SLC24A2: variants seen among roughly 807,000 people sequenced by gnomAD.
SLC24A2 encodes the protein solute carrier family 24 member 2.
SLC24A2 carries 36 observed loss-of-function variants against 62.0 expected under a neutral mutation model. That is an observed-to-expected ratio of 0.58 (90% CI 0.44 to 0.77). SLC24A2 has a LOEUF of 0.77. Ranked by LOEUF, SLC24A2 falls within the 30% of genes least tolerant of loss-of-function variation. SLC24A2 has a pLI of 0.00. For synonymous variants in SLC24A2, 358 were observed against 294.0 expected (o/e 1.22, Z -2.23); for missense variants, 846 against 817.9 (o/e 1.03, Z -0.42).
At chr9:20,126,184 C>T in the SLC24A2 span, among the ~76,000 whole-genome samples, 30 of 152,286 alleles carry the variant, frequency 2.0e-4, no homozygotes, top group South Asian at 3.9e-3. Context: ...CCTCTGCCTG[C>T]ATTTTTAATT....
intron 2 of SLC24A2, among the ~76,000 whole-genome samples, chr9:19,761,913 G>C (rs922678761): frequency 6.6e-6 from 1 of 152,104 alleles, no homozygotes; most frequent in African/African-American, 2.4e-5. Context: ...CCAAGTCTTT[G>C]CTGTCGTGAA....
the SLC24A2 span, among the ~76,000 whole-genome samples, chr9:20,100,040 A>G: frequency 1.3e-5 from 2 of 151,390 alleles, no homozygotes; most frequent in Non-Finnish European, 2.9e-5. Context: ...TCTTTTTTAG[A>G]CAGGGTCTCA....
At chr9:19,864,697 A>G in the SLC24A2 span, among the ~76,000 whole-genome samples, 1 of 151,802 alleles carries the variant, frequency 6.6e-6, no homozygotes, top group Non-Finnish European at 1.5e-5. Flanking sequence ...TCAGCATAAT[A>G]AAAGCTACAT....
chr9:20,097,988 C>T, the SLC24A2 span, among the ~76,000 whole-genome samples: 3 of 151,588 alleles, frequency 2.0e-5, no homozygotes, highest in East Asian at 3.9e-4. Context: ...GTGATTCGCC[C>T]GCCTCGGCCT....
chr9:19,981,734 C>T, the SLC24A2 span, among the ~76,000 whole-genome samples: 11 of 152,116 alleles, frequency 7.2e-5, no homozygotes, highest in African/African-American at 1.9e-4. Context: ...TGTTCTGGTG[C>T]CCAGGCTGAA....
chr9:20,220,114 A>AT, the SLC24A2 span, among the ~76,000 whole-genome samples: 14 of 150,416 alleles, frequency 9.3e-5, no homozygotes, highest in East Asian at 2.0e-4. Context: ...CCTATAGTTA[A>AT]TTTTTTTTTT....
the SLC24A2 span, among the ~76,000 whole-genome samples, chr9:20,297,200 G>C: frequency 6.6e-6 from 1 of 152,146 alleles, no homozygotes; most frequent in African/African-American, 2.4e-5. Flanking sequence ...TGACCAATGT[G>C]CCAGTCAGAC....
At chr9:19,655,909 A>T (rs1002027386) in intron 2 of SLC24A2, among the ~76,000 whole-genome samples, 1 of 152,148 alleles carries the variant, frequency 6.6e-6, no homozygotes, top group Non-Finnish European at 1.5e-5. Context: ...CCGTGGCTTG[A>T]CAATCTCATG....
intron 2 of SLC24A2, among the ~76,000 whole-genome samples, chr9:19,765,458 T>C (rs1416764139): frequency 2.0e-5 from 3 of 152,226 alleles, no homozygotes; most frequent in Admixed American, 6.5e-5. Flanking sequence ...CCATATTTAG[T>C]GCTTCCTTCA....
intron 7 of SLC24A2, among the ~76,000 whole-genome samples, chr9:19,564,163 A>ATGTT: frequency 6.6e-6 from 1 of 152,158 alleles, no homozygotes; most frequent in African/African-American, 2.4e-5. Flanking sequence ...TGGCCATGAC[A>ATGTT]TGTTTTTTAA....
intron 2 of SLC24A2, among the ~76,000 whole-genome samples, chr9:19,780,947 C>A (rs1823000076): frequency 7.0e-6 from 1 of 142,304 alleles, no homozygotes. Context: ...AAAAAAAATT[C>A]AAAAAAAGGC....
chr9:20,302,134 C>T, the SLC24A2 span, among the ~76,000 whole-genome samples: 9 of 152,230 alleles, frequency 5.9e-5, no homozygotes, highest in Middle Eastern at 3.4e-3. Context: ...TATCTATTCA[C>T]CTATGGAAAG....
the SLC24A2 span, among the ~76,000 whole-genome samples, chr9:20,173,222 T>C: frequency 3.3e-5 from 5 of 151,918 alleles, no homozygotes; most frequent in African/African-American, 1.2e-4. Context: ...ACAACCAACA[T>C]AATACTGAAC....
chr9:19,616,195 A>G (rs535322268), intron 4 of SLC24A2, among the ~76,000 whole-genome samples: 1 of 152,332 alleles, frequency 6.6e-6, no homozygotes, highest in South Asian at 2.1e-4. Context: ...GAATTTTTAA[A>G]AATCATATAT....
the SLC24A2 span, among the ~76,000 whole-genome samples, chr9:19,820,082 T>TACACATATATATATATATATATATATAC: frequency 7.5e-6 from 1 of 133,614 alleles, no homozygotes; most frequent in African/African-American, 2.8e-5. Context: ...TATATATATA[T>TACACATATATATATATATATATATATAC]ACAATGGAAT....
upstream of SLC24A2, among the ~76,000 whole-genome samples, chr9:19,792,718 AGAT>A (rs1181818492): frequency 6.6e-6 from 1 of 151,444 alleles, no homozygotes; most frequent in Non-Finnish European, 1.5e-5. Flanking sequence ...CAAAAAAAAA[AGAT>A]AGGATAGCTG....
chr9:19,744,074 T>C (rs148951082), intron 2 of SLC24A2, among the ~76,000 whole-genome samples: 1 of 152,124 alleles, frequency 6.6e-6, no homozygotes, highest in African/African-American at 2.4e-5. Flanking sequence ...CCTCACCTCA[T>C]ATGGGCTGGC....
chr9:20,285,048 C>G, the SLC24A2 span, among the ~76,000 whole-genome samples: 1 of 152,168 alleles, frequency 6.6e-6, no homozygotes, highest in African/African-American at 2.4e-5. Context: ...TTACTACCAG[C>G]AGGCCAAAAT....
At chr9:19,909,136 G>A in the SLC24A2 span, among the ~76,000 whole-genome samples, 2 of 152,162 alleles carry the variant, frequency 1.3e-5, no homozygotes, top group Non-Finnish European at 2.9e-5. Context: ...TATATACCAT[G>A]GAATACTATG....
Sources: gnomAD v4.1 joint callset for allele counts (sites outside exome capture counted in the v4.1 genomes callset) on GRCh38, gnomAD v4.1.1 for gene constraint, MANE v1.5 for transcripts, NCBI Gene and HGNC (gene_info 2026-07-23, HGNC 2026-07-21) for gene names.